Variants in IFTAP observed in about 807,000 individuals in gnomAD.
The protein encoded by IFTAP is intraflagellar transport-associated protein.
Under a neutral mutation model 19.4 loss-of-function variants are expected in IFTAP, and 19 were observed. That is an observed-to-expected ratio of 0.98 (90% confidence interval 0.68 to 1.44). The LOEUF (loss-of-function observed/expected upper bound fraction) is 1.44. Ranked by LOEUF, IFTAP falls within the 40% of genes most tolerant of loss-of-function variation. The pLI, the probability that IFTAP is intolerant of heterozygous loss-of-function variation, is 0.00. For synonymous variants in IFTAP, 85 were observed against 83.5 expected, an observed-to-expected ratio of 1.02 and a Z score of -0.10; for missense variants, 240 against 253.6, an observed-to-expected ratio of 0.95 and a Z score of 0.36.
At chr11:36,652,870 A>G (rs1853806076) in intron 5 of IFTAP, among the ~76,000 whole-genome samples, 1 of 152,012 alleles carries the variant, frequency 6.6e-6, no homozygotes, top group Admixed American at 6.6e-5. Flanking sequence ...ATGTGTATAG[A>G]ATTACCTTGC....
intron 5 of IFTAP, among the ~76,000 whole-genome samples, chr11:36,651,531 T>A (rs1011269359): frequency 6.6e-6 from 1 of 152,242 alleles, no homozygotes; most frequent in Non-Finnish European, 1.5e-5. Flanking sequence ...TAGTTTCTTT[T>A]GCTGTGCAGA....
intron 4 of IFTAP, among the ~76,000 whole-genome samples, chr11:36,646,319 C>G (rs1011959650): frequency 4.6e-5 from 7 of 152,266 alleles, no homozygotes; most frequent in Non-Finnish European, 8.8e-5. Context: ...GTCGAGAGGC[C>G]CAAGCCTGTC....
intron 2 of IFTAP, among the ~76,000 whole-genome samples, chr11:36,618,796 A>G (rs1480725261): frequency 6.6e-6 from 1 of 152,060 alleles, no homozygotes; most frequent in Non-Finnish European, 1.5e-5. Flanking sequence ...ATTAATACAC[A>G]TTGCTCGTGA....
chr11:36,644,012 C>T (rs1432864261), intron 4 of IFTAP, among the ~76,000 whole-genome samples: 1 of 152,150 alleles, frequency 6.6e-6, no homozygotes, highest in East Asian at 1.9e-4. Context: ...TCTAATTAAA[C>T]TAAAGAGCGT....
At chr11:36,619,825 C>T (rs1852229132) in intron 2 of IFTAP, among the ~76,000 whole-genome samples, 1 of 151,944 alleles carries the variant, frequency 6.6e-6, no homozygotes, top group South Asian at 2.1e-4. Context: ...CTTTCTGTTT[C>T]CTTTTTAACG....
chr11:36,595,074 T>C (rs1245651411), intron 1 of IFTAP: 3 of 152,188 alleles, frequency 2.0e-5, no homozygotes, highest in Admixed American at 6.5e-5. Context: ...AATACAGTTA[T>C]TAGGTTTTAA....
intron 1 of IFTAP, among the ~76,000 whole-genome samples, chr11:36,605,355 C>T (rs943986422): frequency 7.0e-6 from 1 of 143,586 alleles, no homozygotes; most frequent in African/African-American, 2.6e-5. Context: ...TTCAGAGAAG[C>T]AAGCTTGTGG....
At chr11:36,634,951 C>T (rs1174629779) in intron 3 of IFTAP, among the ~76,000 whole-genome samples, 5 of 151,562 alleles carry the variant, frequency 3.3e-5, no homozygotes, top group South Asian at 2.1e-4. Context: ...CATTAGCATA[C>T]ACCACTAAGT....
intron 4 of IFTAP, among the ~76,000 whole-genome samples, chr11:36,640,758 T>G (rs1023325618): frequency 6.6e-6 from 1 of 152,186 alleles, no homozygotes; most frequent in Non-Finnish European, 1.5e-5. Flanking sequence ...CTGGCAAAAT[T>G]GGTGATATTA....
At chr11:36,622,225 G>A (rs1384601416) in intron 2 of IFTAP, among the ~76,000 whole-genome samples, 2 of 151,698 alleles carry the variant, frequency 1.3e-5, no homozygotes, top group African/African-American at 2.4e-5. Context: ...TCTTACAAAT[G>A]TGTTCAGCAG....
chr11:36,637,102 G>T (rs1852985188), intron 4 of IFTAP, among the ~76,000 whole-genome samples: 1 of 151,996 alleles, frequency 6.6e-6, no homozygotes, highest in Non-Finnish European at 1.5e-5. Flanking sequence ...TGTTGGGGGA[G>T]GATGGCTTAT....
intron 1 of IFTAP, among the ~76,000 whole-genome samples, chr11:36,602,506 G>T (rs1184702294): frequency 1.3e-5 from 2 of 152,154 alleles, no homozygotes; most frequent in African/African-American, 4.8e-5. Flanking sequence ...TTAGGTTTGA[G>T]CTAATAAATC....
intron 1 of IFTAP, among the ~76,000 whole-genome samples, chr11:36,607,747 C>T (rs1424102181): frequency 6.6e-6 from 1 of 152,128 alleles, no homozygotes; most frequent in East Asian, 1.9e-4. Flanking sequence ...GATCTGGGCT[C>T]ATCGCAACCT....
At chr11:36,620,962 A>C (rs1031836599) in intron 2 of IFTAP, among the ~76,000 whole-genome samples, 1 of 151,962 alleles carries the variant, frequency 6.6e-6, no homozygotes, top group Non-Finnish European at 1.5e-5. Flanking sequence ...ACTTTTGTAG[A>C]CAAATGGGAT....
rs35845972 is a variant in IFTAP at position 36,623,356 on chromosome 11, TCC to T, written c.137-9920_137-9919del. 6.3e-3 allele frequency among the ~76,000 whole-genome samples: 944 copies of T among 148,980 alleles called. 11 individuals carry two copies. The highest frequency in any genetic ancestry group is 0.023 in the African/African-American group (917 of 40,558). ...TGTAGCTTTCATGAAATTGTGATAC[TCC>T]CCCCCCCACTCAAAGCATAAGAACA... On this transcript the variant is annotated intron_variant, in intron 2 of 5. Transcript: ENST00000334307.
chr11:36,653,841 G>A (rs866171781), intron 5 of IFTAP, among the ~76,000 whole-genome samples: 1 of 152,264 alleles, frequency 6.6e-6, no homozygotes, highest in Middle Eastern at 3.4e-3. Context: ...TAGGCATACA[G>A]TAAACATTTA....
intron 3 of IFTAP, 98 bp from the exon 4 acceptor site, chr11:36,635,953 G>A (rs1852931435): frequency 1.9e-5 from 15 of 769,494 alleles, no homozygotes; most frequent in Non-Finnish European, 3.2e-5. Flanking sequence ...GGATTCAGCT[G>A]CTCAGTTAGG....
intron 2 of IFTAP, among the ~76,000 whole-genome samples, chr11:36,629,598 A>C (rs1852651136): frequency 6.6e-6 from 1 of 151,494 alleles, no homozygotes; most frequent in African/African-American, 2.5e-5. Context: ...AGTTTCTTTC[A>C]AAATTGAGTT....
intron 1 of IFTAP, among the ~76,000 whole-genome samples, chr11:36,596,222 G>GTTTTTTTTTTTTTT (rs67282079): frequency 1.5e-4 from 18 of 118,368 alleles, no homozygotes; most frequent in African/African-American, 2.5e-4. Flanking sequence ...TTTTTTTTTT[G>GTTTTTTTTTTTTTT]TTTTTTTTTT....
Sources: allele counts gnomAD v4.1 joint callset (sites outside exome capture counted in the v4.1 genomes callset), GRCh38; gene constraint gnomAD v4.1.1; transcripts MANE v1.5; gene names NCBI Gene and HGNC (gene_info 2026-07-23, HGNC 2026-07-21).